The following DTD1 variants were observed in gnomAD, a reference collection of about 807,000 sequenced individuals.
DTD1 encodes D-aminoacyl-tRNA deacylase 1.
DTD1 carries 13 observed loss-of-function variants against 25.6 expected under a neutral mutation model. The ratio of observed to expected loss-of-function variants is 0.51; its 90% CI spans 0.33 to 0.81. DTD1 has a LOEUF of 0.81. DTD1 is among the 30% of genes least tolerant of loss of function. DTD1 has a pLI of 0.02. For synonymous variants in DTD1, 110 were observed against 103.6 expected, an observed-to-expected ratio of 1.06 and a Z score of -0.37; for missense variants, 193 against 266.4, an observed-to-expected ratio of 0.72 and a Z score of 1.92.
At chr20:18,718,431 C>G (rs968817031) in intron 4 of DTD1, among the ~76,000 whole-genome samples, 5 of 152,116 alleles carry the variant, frequency 3.3e-5, no homozygotes, top group Non-Finnish European at 7.4e-5. Flanking sequence ...CCTGGGATTC[C>G]AGAGGGAGGA....
chr20:18,727,999 G>A (rs1440633178), intron 4 of DTD1, among the ~76,000 whole-genome samples: 1 of 152,228 alleles, frequency 6.6e-6, no homozygotes, highest in African/African-American at 2.4e-5. Flanking sequence ...GGGAGCTTAG[G>A]TGAGAAGGGG....
chr20:18,735,879 A>ATT lies in DTD1; in HGVS notation c.478-8219_478-8218dup, dbSNP rs1418768306. Among the ~76,000 whole-genome samples, 9 of 152,216 alleles carry ATT rather than the reference A, an allele frequency of 5.9e-5. No individual in the cohort carries two copies. The South Asian group carries it at 1.9e-3, about 32-fold the overall frequency. ...AGAGCACCAGTGTCCAACCCTTTGG[A>ATT]TTTAAGGACTTTTTTGCTTCTCTGT... is the stretch of plus-strand genomic sequence containing the variant. On this transcript the variant is annotated intron_variant, in intron 4 of 5. Coordinates refer to ENST00000377452, the MANE Select transcript of DTD1 (RefSeq NM_080820.6).
intron 4 of DTD1, among the ~76,000 whole-genome samples, chr20:18,650,247 A>G (rs943851557): frequency 1.3e-5 from 2 of 152,198 alleles, no homozygotes; most frequent in Non-Finnish European, 2.9e-5. Flanking sequence ...AACGAACACA[A>G]AAACAAAACA....
chr20:18,679,401 A>G (rs561072975), intron 4 of DTD1, among the ~76,000 whole-genome samples: 1 of 152,308 alleles, frequency 6.6e-6, no homozygotes, highest in South Asian at 2.1e-4. Context: ...TGTAGTAGTG[A>G]TTTTAATTTG....
chr20:18,751,294 A>G (rs895292557), intron 5 of DTD1, among the ~76,000 whole-genome samples: 7 of 152,000 alleles, frequency 4.6e-5, no homozygotes, highest in African/African-American at 1.2e-4. Flanking sequence ...ACTTAAAACA[A>G]TTTTTTTAGT....
At chr20:18,700,815 T>C (rs1365505125) in intron 4 of DTD1, among the ~76,000 whole-genome samples, 1 of 152,040 alleles carries the variant, frequency 6.6e-6, no homozygotes, top group Non-Finnish European at 1.5e-5. Context: ...TAGCAAAGGC[T>C]CAGAGGAAGG....
intron 3 of DTD1, among the ~76,000 whole-genome samples, chr20:18,615,845 G>A (rs1487830409): frequency 2.0e-5 from 3 of 152,166 alleles, no homozygotes; most frequent in African/African-American, 7.2e-5. Context: ...TCCATGGGAC[G>A]TCCATGATGC....
intron 4 of DTD1, among the ~76,000 whole-genome samples, chr20:18,707,143 A>G (rs2061129867): frequency 1.3e-5 from 2 of 152,352 alleles, no homozygotes; most frequent in Admixed American, 6.5e-5. Flanking sequence ...TTATAGTGAG[A>G]TGCAGCGTTC....
intron 4 of DTD1, among the ~76,000 whole-genome samples, chr20:18,679,830 A>T (rs2060989788): frequency 1.3e-5 from 2 of 152,190 alleles, no homozygotes. Flanking sequence ...CATCTTCTAG[A>T]TATAGGAGCA....
intron 4 of DTD1, among the ~76,000 whole-genome samples, chr20:18,693,614 G>A (rs529325835): frequency 1.4e-4 from 21 of 150,746 alleles, no homozygotes; most frequent in Admixed American, 8.6e-4. Context: ...CCAAGGTTGC[G>A]CCATTGCACT....
chr20:18,656,217 A>C (rs1455549492), intron 4 of DTD1, among the ~76,000 whole-genome samples: 3 of 152,196 alleles, frequency 2.0e-5, no homozygotes, highest in African/African-American at 7.2e-5. Flanking sequence ...CTTCTCTACA[A>C]ATATTTTATT....
At chr20:18,588,338 G>C (rs1011462922) in intron 1 of DTD1, among the ~76,000 whole-genome samples, 1 of 152,002 alleles carries the variant, frequency 6.6e-6, no homozygotes, top group Admixed American at 6.6e-5. Context: ...CGGCCCCGGC[G>C]CGCCCCTGGC....
intron 4 of DTD1, among the ~76,000 whole-genome samples, chr20:18,668,133 A>G (rs2060938782): frequency 6.6e-6 from 1 of 152,216 alleles, no homozygotes; most frequent in African/African-American, 2.4e-5. Flanking sequence ...GTTGAACAGA[A>G]CAACATATGT....
intron 4 of DTD1, among the ~76,000 whole-genome samples, chr20:18,733,960 G>T (rs1352138338): frequency 6.6e-6 from 1 of 152,112 alleles, no homozygotes. Flanking sequence ...TATTCTGTTG[G>T]GTTTTCCATT....
chr20:18,726,302 A>G (rs778515993), intron 4 of DTD1, among the ~76,000 whole-genome samples: 1 of 152,178 alleles, frequency 6.6e-6, no homozygotes, highest in Non-Finnish European at 1.5e-5. Context: ...TTGTTTGTCC[A>G]GGAATGTTCC....
At chr20:18,616,662 C>T (rs1031235299) in intron 3 of DTD1, among the ~76,000 whole-genome samples, 3 of 152,108 alleles carry the variant, frequency 2.0e-5, no homozygotes, top group Non-Finnish European at 4.4e-5. Context: ...AAAAAATTAG[C>T]TGAGTGTGAT....
In DTD1 at chr20:18,634,945, T is replaced by G. The variant is rs16979426; in HGVS notation, c.477+6712T>G. On this transcript the variant is annotated intron_variant, in intron 4 of 5. Transcript: ENST00000377452. ...GGGGGACAAATCAAATGAGAAGTACTCTGAATATAAGGAAGAATTATGTTG... is the reference window on the plus strand; with the variant it reads ...GGGGGACAAATCAAATGAGAAGTACGCTGAATATAAGGAAGAATTATGTTG... Among the ~76,000 whole-genome samples, 369 of 152,302 alleles carry G rather than the reference T, an allele frequency of 2.4e-3. 7 individuals carry two copies. Among genetic ancestry groups the G allele is most frequent in the Admixed American group, 0.02 (301 of 15,300 alleles).
chr20:18,631,070 TG>T, intron 4 of DTD1: 1 of 985,466 alleles, frequency 1.0e-6, no homozygotes, highest in Non-Finnish European at 1.2e-6. Context: ...GTCTGTCCTC[TG>T]GCTCATTCAC....
chr20:18,638,370 C>T (rs1254697656), intron 4 of DTD1, among the ~76,000 whole-genome samples: 1 of 151,942 alleles, frequency 6.6e-6, no homozygotes, highest in Non-Finnish European at 1.5e-5. Flanking sequence ...GAGAAACAAA[C>T]AAAAACAAAA....
Sources: allele counts gnomAD v4.1 joint callset (sites outside exome capture counted in the v4.1 genomes callset), GRCh38; gene constraint gnomAD v4.1.1; transcripts MANE v1.5; gene names NCBI Gene and HGNC (gene_info 2026-07-23, HGNC 2026-07-21).